The following PTPRB variants were observed in gnomAD, a reference collection of about 807,000 sequenced individuals.
PTPRB encodes protein tyrosine phosphatase receptor type B, also known as receptor-type tyrosine-protein phosphatase beta.
In PTPRB, 97 loss-of-function variants were observed where a neutral mutation model predicts 238.1. The observed-to-expected ratio is 0.41, with a 90% CI of 0.35 to 0.48. The LOEUF is 0.48. PTPRB is among the 20% of genes least tolerant of loss of function. The pLI, the probability that PTPRB is intolerant of heterozygous loss-of-function variation, is 0.30. For missense variants in PTPRB, 2,292 were observed against 2,681.9 expected (o/e 0.85, Z 3.21); for synonymous variants, 970 against 995.4 (o/e 0.97, Z 0.48).
chr12:70,597,420 T>A (rs1883128788), intron 4 of PTPRB, among the ~76,000 whole-genome samples: 1 of 152,206 alleles, frequency 6.6e-6, no homozygotes, highest in Non-Finnish European at 1.5e-5. Context: ...ATAAAAAGCA[T>A]ATCAGGATTA....
At chr12:70,607,877 C>T (rs2717428) in intron 4 of PTPRB, among the ~76,000 whole-genome samples, 81,969 of 151,932 alleles carry the variant, frequency 0.54, 23,539 homozygotes, top group African/African-American at 0.75. Flanking sequence ...TCTTAACAAG[C>T]GATTTCTCTT....
intron 18 of PTPRB, among the ~76,000 whole-genome samples, chr12:70,556,778 A>G (rs1191746926): frequency 1.3e-5 from 2 of 152,234 alleles, no homozygotes; most frequent in African/African-American, 4.8e-5. Flanking sequence ...AGGGGGAAAA[A>G]CAACTTACAT....
At chr12:70,528,325 T>C (rs935629079) in intron 32 of PTPRB, among the ~76,000 whole-genome samples, 1 of 152,112 alleles carries the variant, frequency 6.6e-6, no homozygotes, top group Non-Finnish European at 1.5e-5. Context: ...TTGAACTTCA[T>C]TTTACAAGCA....
At chr12:70,617,455 T>A (rs1367643694) in intron 3 of PTPRB, among the ~76,000 whole-genome samples, 1 of 151,998 alleles carries the variant, frequency 6.6e-6, no homozygotes, top group Non-Finnish European at 1.5e-5. Flanking sequence ...AATCTAGGAG[T>A]CGAGATGAAG....
At chr12:70,562,532 C>A (rs758748389) in intron 16 of PTPRB, among the ~76,000 whole-genome samples, 12 of 152,012 alleles carry the variant, frequency 7.9e-5, no homozygotes, top group Non-Finnish European at 1.5e-4. Flanking sequence ...GGGTGTAGCT[C>A]GAATTAAACT....
At chr12:70,524,929 GTATA>G (rs1350543529) in intron 32 of PTPRB, among the ~76,000 whole-genome samples, 1 of 148,644 alleles carries the variant, frequency 6.7e-6, no homozygotes, top group Non-Finnish European at 1.5e-5. Context: ...ATATATGTGT[GTATA>G]TGTATGTATA....
chr12:70,635,819 G>A lies in PTPRB; in HGVS notation c.303C>T (p.Phe101=), dbSNP rs749210543. 2.5e-6 allele frequency: 4 copies of A among 1,613,558 alleles called. No homozygotes were observed. Among genetic ancestry groups the A allele is most frequent in the Non-Finnish European group, 3.4e-6 (4 of 1,179,738 alleles). ...PRWTCYDQEG[F]LEVENASLFL... ...AGAGAGAGGCATTTTCCACCTCAAG[G>A]AAGCCTTCCTGATCATAGCAGGTCC... The change falls in exon 2 of 34, where the codon TTC becomes TTT. Residue 101 remains phenylalanine (F), a synonymous_variant. Transcript: ENST00000334414.
chr12:70,555,748 C>G, intron 19 of PTPRB, 122 bp downstream of exon 19: 1 of 1,271,898 alleles, frequency 7.9e-7, no homozygotes, highest in Admixed American at 2.7e-5. Context: ...GGCAATCAGA[C>G]AGGCTTATGC....
chr12:70,531,546 G>T (rs946348949), intron 32 of PTPRB, among the ~76,000 whole-genome samples: 1 of 152,128 alleles, frequency 6.6e-6, no homozygotes, highest in Non-Finnish European at 1.5e-5. Flanking sequence ...TTTGTGCAAA[G>T]CCCTTAAGCT....
intron 7 of PTPRB, 139 bp downstream of exon 7, chr12:70,592,143 C>G: frequency 2.5e-6 from 3 of 1,205,556 alleles, no homozygotes; most frequent in Non-Finnish European, 3.5e-6. Flanking sequence ...ATGGGCCATA[C>G]TACAGACACC....
At chr12:70,627,554 C>T (rs1592608187) in intron 2 of PTPRB, among the ~76,000 whole-genome samples, 1 of 151,572 alleles carries the variant, frequency 6.6e-6, no homozygotes, top group Non-Finnish European at 1.5e-5. Flanking sequence ...AGGAAAGGGA[C>T]CATAGAGGCA....
chr12:70,570,932 A>G, intron 13 of PTPRB, 94 bp downstream of exon 13: 1 of 1,362,306 alleles, frequency 7.3e-7, no homozygotes, highest in East Asian at 2.4e-5. Flanking sequence ...TCTCCCTTTT[A>G]TCCCTCCAAA....
chr12:70,584,878 G>A (rs1271757635), intron 9 of PTPRB: 3 of 151,498 alleles, frequency 2.0e-5, no homozygotes, highest in Non-Finnish European at 4.4e-5. Context: ...ACTATATAAA[G>A]CAATAATTAT....
chr12:70,590,291 A>C, intron 7 of PTPRB, 58 bp from the exon 8 acceptor site: 103 of 1,464,216 alleles, frequency 7.0e-5, no homozygotes, highest in Non-Finnish European at 8.8e-5. Context: ...AAGGATACTC[A>C]TTTACTTTTC....
intron 11 of PTPRB, among the ~76,000 whole-genome samples, chr12:70,574,196 C>T (rs371580543): frequency 8.5e-5 from 13 of 152,306 alleles, no homozygotes; most frequent in African/African-American, 3.1e-4. Context: ...TCCAATTTTT[C>T]ACCTCTACTT....
chr12:70,548,318 A>ACTCTCTCTCTCT (rs71457058), intron 21 of PTPRB, among the ~76,000 whole-genome samples: 2 of 127,838 alleles, frequency 1.6e-5, no homozygotes, highest in African/African-American at 6.2e-5. Context: ...ACACAGCAAG[A>ACTCTCTCTCTCT]CTCTCTCTCT....
chr12:70,541,011 G>A (rs766938894), intron 22 of PTPRB, 54 bp from the exon 23 acceptor site: 551 of 1,373,400 alleles, frequency 4.0e-4, no homozygotes, highest in Non-Finnish European at 5.0e-4. Context: ...TAGTGCTAGG[G>A]AACCAGTAAG....
chr12:70,592,256 G>C, intron 7 of PTPRB, 26 bp downstream of exon 7: 1 of 1,613,806 alleles, frequency 6.2e-7, no homozygotes, highest in Non-Finnish European at 8.5e-7. Context: ...GAGCAACCAA[G>C]GAACATTCTG....
chr12:70,586,708 A>G (rs571589050), intron 9 of PTPRB, among the ~76,000 whole-genome samples: 8 of 152,276 alleles, frequency 5.3e-5, no homozygotes, highest in Admixed American at 2.0e-4. Context: ...CCTTTCAACC[A>G]TAGTTCCTCT....
Sources: allele counts gnomAD v4.1 joint callset (sites outside exome capture counted in the v4.1 genomes callset), GRCh38; gene constraint gnomAD v4.1.1; transcripts MANE v1.5; gene names NCBI Gene and HGNC (gene_info 2026-07-23, HGNC 2026-07-21).